Variants in SIRT1 observed in about 807,000 individuals in gnomAD.
SIRT1 encodes the protein sirtuin 1.
A neutral mutation model predicts 67.9 loss-of-function variants in SIRT1; 24 were observed. The ratio of observed to expected loss-of-function variants is 0.35; its 90% CI spans 0.26 to 0.50. The LOEUF (loss-of-function observed/expected upper bound fraction) is 0.50, where lower values mean the gene tolerates loss of function less well. SIRT1 is among the 20% of genes least tolerant of loss of function. The pLI, the probability that SIRT1 is intolerant of heterozygous loss-of-function variation, is 0.98. For synonymous variants in SIRT1, 378 were observed against 350.7 expected, an observed-to-expected ratio of 1.08 and a Z score of -0.87; for missense variants, 873 against 937.2, an observed-to-expected ratio of 0.93 and a Z score of 0.89.
At chr10:67,901,180 A>G (rs575244299) in intron 4 of SIRT1, among the ~76,000 whole-genome samples, 10 of 151,742 alleles carry the variant, frequency 6.6e-5, no homozygotes, top group Non-Finnish European at 1.3e-4. Flanking sequence ...TTTTTTTGAG[A>G]TAGTCTTGCT....
At chr10:67,912,415 G>C in intron 7 of SIRT1, 59 bp from the exon 8 acceptor site, 1 of 1,460,340 alleles carries the variant, frequency 6.8e-7, no homozygotes, top group South Asian at 1.4e-5. Context: ...ATCTGTTGTG[G>C]TTTTATTAGC....
chr10:67,911,405 C>G (rs1589083742), intron 7 of SIRT1, among the ~76,000 whole-genome samples: 1 of 152,178 alleles, frequency 6.6e-6, no homozygotes, highest in East Asian at 1.9e-4. Flanking sequence ...GTTGCCCAGG[C>G]TGGTCACAAA....
At chr10:67,909,183 G>A (rs1443885202) in intron 6 of SIRT1, 73 bp from the exon 7 acceptor site, 1 of 986,426 alleles carries the variant, frequency 1.0e-6, no homozygotes, top group Non-Finnish European at 1.5e-6. Context: ...TTAGAGGTAT[G>A]GAAATGTTGA....
At chr10:67,899,788 A>G (rs571749735) in intron 4 of SIRT1, among the ~76,000 whole-genome samples, 20 of 152,190 alleles carry the variant, frequency 1.3e-4, no homozygotes, top group Admixed American at 1.3e-3. Flanking sequence ...TTTAAAAACT[A>G]TAGTAAGTAA....
At chr10:67,905,798 G>T (rs901204314) in intron 4 of SIRT1, among the ~76,000 whole-genome samples, 2 of 152,092 alleles carry the variant, frequency 1.3e-5, no homozygotes, top group Non-Finnish European at 2.9e-5. Flanking sequence ...CTTTTTTCAC[G>T]TATGTCATGA....
intron 4 of SIRT1, among the ~76,000 whole-genome samples, chr10:67,897,122 C>T (rs1274350530): frequency 1.3e-5 from 2 of 151,570 alleles, no homozygotes; most frequent in Non-Finnish European, 2.9e-5. Context: ...CACCACTCTA[C>T]TCCAGCCTGA....
At position 67,912,950 on chromosome 10, in the gene SIRT1, G is replaced by C. The variant is rs1193665057; in HGVS notation, c.1834G>C (p.Glu612Gln). The C allele has an allele frequency of 6.2e-7, 1 of 1,614,138 alleles. No homozygotes were observed. Among genetic ancestry groups the C allele is most frequent in the Non-Finnish European group, 8.5e-7 (1 of 1,180,022 alleles). The change falls in exon 8 of 9, where the codon GAA becomes CAA. Residue 612 changes from glutamate to glutamine, a missense_variant. This residue lies in a region of SIRT1 where 295 missense variants were observed against 294.5 expected (regional missense o/e 1.00). Coordinates refer to ENST00000212015, the MANE Select transcript of SIRT1 (RefSeq NM_012238.5). ...TGGTTCTAGTACTGGGGAGAAAAATGAAAGAACTTCAGTGGCTGGAACAGT... is the reference window on the plus strand; with the variant it reads ...TGGTTCTAGTACTGGGGAGAAAAATCAAAGAACTTCAGTGGCTGGAACAGT... The part of the protein sequence containing the change: ...NVGSSTGEKN[E>Q]RTSVAGTVRK...
rs1403577732 is a variant in SIRT1, at chr10:67,917,822, C to T, written c.*1229C>T. The T allele has an allele frequency of 6.6e-6, 1 of 152,590 alleles. No homozygotes were observed. Among genetic ancestry groups the T allele is most frequent in the African/African-American group, 2.4e-5 (1 of 41,448 alleles). 9.5% of individuals were successfully genotyped at this position (152,590 alleles called of 1,614,324 possible). A position where few individuals can be genotyped will look rare whatever the true frequency, so the allele number is the denominator to read the frequency against. On this transcript the variant is annotated 3_prime_UTR_variant, in exon 9 of 9. Transcript: ENST00000212015. ...CTTAGCCTGCCTTAAAACTAGAGAT[C>T]AACTTTCTCAGCTGCAAAAGCTTCT...
intron 4 of SIRT1, among the ~76,000 whole-genome samples, chr10:67,896,563 A>G (rs1842661287): frequency 1.3e-5 from 2 of 152,000 alleles, no homozygotes; most frequent in South Asian, 2.1e-4. Context: ...TGGGAGGCTG[A>G]GGTGGGCGGA....
intron 1 of SIRT1, among the ~76,000 whole-genome samples, chr10:67,886,421 C>T (rs979109711): frequency 4.0e-5 from 6 of 151,812 alleles, no homozygotes; most frequent in African/African-American, 1.5e-4. Context: ...AGCGAGACCT[C>T]CTCTCTACTA....
At chr10:67,890,293 A>G (rs1044839293) in intron 3 of SIRT1, among the ~76,000 whole-genome samples, 1 of 151,968 alleles carries the variant, frequency 6.6e-6, no homozygotes, top group African/African-American at 2.4e-5. Context: ...TGACCTTGTG[A>G]TCCGCCTGCC....
rs577839512 is a variant in SIRT1 at position 67,885,845 on chromosome 10, A to G, written c.430+694A>G. On this transcript the variant is annotated intron_variant, in intron 1 of 8. Transcript: ENST00000212015. ...TGCGGTAATGGTGTTTGGGCTAAAC[A>G]TGCTTTTTTTGTATGTATGTAGTAT... 4.0e-5 allele frequency among the ~76,000 whole-genome samples: 6 copies of G among 151,844 alleles called. No individual in the cohort carries two copies. The South Asian group carries it at 1.0e-3, about 26-fold the overall frequency.
chr10:67,885,941 CTTTTTTTTT>C (rs766544980), intron 1 of SIRT1, among the ~76,000 whole-genome samples: 31 of 95,562 alleles, frequency 3.2e-4, no homozygotes, highest in East Asian at 2.9e-3. Flanking sequence ...TTGAAGGTTT[CTTTTTTTTT>C]TTTTTTTTTT....
At chr10:67,891,898 G>T (rs1842579930) in intron 4 of SIRT1, among the ~76,000 whole-genome samples, 1 of 152,176 alleles carries the variant, frequency 6.6e-6, no homozygotes, top group South Asian at 2.1e-4. Context: ...GATTGTAAAG[G>T]TTATAACATC....
At chr10:67,892,129 T>C (rs1052798108) in intron 4 of SIRT1, among the ~76,000 whole-genome samples, 8 of 152,204 alleles carry the variant, frequency 5.3e-5, no homozygotes, top group South Asian at 2.1e-4. Flanking sequence ...AGAAGACATA[T>C]TGGATTTTAG....
chr10:67,898,986 T>A (rs948631853), intron 4 of SIRT1, among the ~76,000 whole-genome samples: 1 of 152,256 alleles, frequency 6.6e-6, no homozygotes, highest in Non-Finnish European at 1.5e-5. Flanking sequence ...TACATTTGGA[T>A]GTACAAATAG....
intron 8 of SIRT1, among the ~76,000 whole-genome samples, chr10:67,915,694 TAATG>T (rs2029888125): frequency 6.6e-6 from 1 of 152,212 alleles, no homozygotes. Flanking sequence ...TTAAAATAGT[TAATG>T]AAGATGCTTT....
In SIRT1 at chr10:67,907,233, G is replaced by A. The variant is rs554663289; in HGVS notation, c.1090+296G>A. ...TTTCTGGCTGAGTGCAGTGGCTCACGCCTGTAATCCTAGCACTTTGGGAAG... is the reference window on the plus strand; with the variant it reads ...TTTCTGGCTGAGTGCAGTGGCTCACACCTGTAATCCTAGCACTTTGGGAAG... On this transcript the variant is annotated intron_variant, in intron 5 of 8. Coordinates refer to ENST00000212015, the MANE Select transcript of SIRT1 (RefSeq NM_012238.5). 3.3e-5 allele frequency among the ~76,000 whole-genome samples: 5 copies of A among 152,184 alleles called. No individual in the cohort carries two copies. In the East Asian group the frequency reaches 5.8e-4, roughly 18 times the overall value.
intron 4 of SIRT1, among the ~76,000 whole-genome samples, chr10:67,901,165 TC>T (rs1211022903): frequency 6.7e-4 from 102 of 151,694 alleles, no homozygotes; most frequent in African/African-American, 2.5e-3. Flanking sequence ...TTTTAGGTTT[TC>T]TTTTTTTTTT....
Sources: gnomAD v4.1 joint callset for allele counts (sites outside exome capture counted in the v4.1 genomes callset) on GRCh38, gnomAD v4.1.1 for gene constraint, gnomAD v4.1.1 regional missense constraint, MANE v1.5 for transcripts, NCBI Gene and HGNC (gene_info 2026-07-23, HGNC 2026-07-21) for gene names.